ZSCAN5A: variants seen among roughly 807,000 people sequenced by gnomAD.
ZSCAN5A encodes zinc finger and SCAN domain containing 5A.
A neutral mutation model predicts 23.7 loss-of-function variants in ZSCAN5A; 12 were observed. The ratio of observed to expected loss-of-function variants is 0.51; its 90% confidence interval spans 0.32 to 0.82. ZSCAN5A has a LOEUF of 0.82. ZSCAN5A is among the 40% of genes least tolerant of loss of function. The probability of loss-of-function intolerance (pLI) is 0.03; values close to 1 mark genes in which losing one functional copy is unlikely to be tolerated. For missense variants in ZSCAN5A, 597 were observed against 617.9 expected (o/e 0.97, Z 0.36); for synonymous variants, 257 against 239.9 (o/e 1.07, Z -0.66).
intron 2 of ZSCAN5A, among the ~76,000 whole-genome samples, chr19:56,343,797 A>G (rs1015561805): frequency 2.0e-5 from 3 of 152,208 alleles, no homozygotes; most frequent in Non-Finnish European, 4.4e-5. Flanking sequence ...TGTTTTATAT[A>G]AAACCTTTAC....
At chr19:56,344,928 AAAAAAAAG>A (rs2041621447) in intron 2 of ZSCAN5A, among the ~76,000 whole-genome samples, 1 of 148,152 alleles carries the variant, frequency 6.7e-6, no homozygotes, top group African/African-American at 2.5e-5. Context: ...AAAAAAAAAA[AAAAAAAAG>A]AAAAAAAAGA....
At chr19:56,237,936 A>G (rs1175664123) in intron 2 of ZSCAN5A, among the ~76,000 whole-genome samples, 1 of 140,842 alleles carries the variant, frequency 7.1e-6, no homozygotes, top group Admixed American at 7.4e-5. Context: ...AAAAATTTAA[A>G]AAATGATAGA....
At chr19:56,357,012 A>G (rs2147465317) in intron 2 of ZSCAN5A, among the ~76,000 whole-genome samples, 1 of 148,954 alleles carries the variant, frequency 6.7e-6, no homozygotes, top group East Asian at 1.9e-4. Context: ...ATATTTTCAT[A>G]GGATATAGCA....
intron 2 of ZSCAN5A, among the ~76,000 whole-genome samples, chr19:56,264,311 A>G (rs1215833654): frequency 6.6e-6 from 1 of 152,206 alleles, no homozygotes; most frequent in Non-Finnish European, 1.5e-5. Context: ...GACTTTTTGG[A>G]CACTATCTCA....
chr19:56,332,022 A>C (rs2147438009), intron 2 of ZSCAN5A, among the ~76,000 whole-genome samples: 1 of 152,032 alleles, frequency 6.6e-6, no homozygotes, highest in South Asian at 2.1e-4. Flanking sequence ...TTTTTATTGC[A>C]CTGTGGTCCA....
At chr19:56,244,143 G>A in intron 2 of ZSCAN5A, 2 of 1,602,004 alleles carry the variant, frequency 1.2e-6, no homozygotes, top group South Asian at 1.1e-5. Flanking sequence ...ACTCAACTTG[G>A]AAATCATGAC....
At chr19:56,366,707 T>C (rs532087370) in intron 1 of ZSCAN5A, among the ~76,000 whole-genome samples, 2 of 152,336 alleles carry the variant, frequency 1.3e-5, no homozygotes, top group East Asian at 3.9e-4. Flanking sequence ...TCATGCCTCT[T>C]CAGAGAGGCC....
At chr19:56,222,373 A>G in intron 5 of ZSCAN5A, 47 bp from the exon 6 acceptor site, 3 of 1,596,804 alleles carry the variant, frequency 1.9e-6, no homozygotes, top group Non-Finnish European at 2.6e-6. Flanking sequence ...CGCATTTTCA[A>G]TACACCAAAC....
intron 2 of ZSCAN5A, among the ~76,000 whole-genome samples, chr19:56,294,447 CTTGT>C (rs1165738300): frequency 1.3e-5 from 2 of 152,176 alleles, no homozygotes; most frequent in Non-Finnish European, 1.5e-5. Flanking sequence ...ATATTTTTTG[CTTGT>C]TTGAGAATTC....
chr19:56,221,930 G>A lies in ZSCAN5A; in HGVS notation c.1136C>T (p.Thr379Ile). 6.2e-7 allele frequency: 1 copy of A among 1,614,192 alleles called. No homozygotes were observed. The highest frequency in any genetic ancestry group is 8.5e-7 in the Non-Finnish European group (1 of 1,180,032). ...SKLVIHKRSH[T>I]GERLFQCNLC... is the part of the protein sequence containing the mutation. ...ATTACATTGAAAGAGTCTCTCGCCTGTGTGTGATCTCTTGTGGATGACTAG... is the reference window on the plus strand; with the variant it reads ...ATTACATTGAAAGAGTCTCTCGCCTATGTGTGATCTCTTGTGGATGACTAG... The change falls in exon 6 of 6, where the codon ACA becomes ATA. Residue 379 changes from threonine to isoleucine, a missense_variant. By Grantham distance (89) the Thr-to-Ile change is moderately conservative. Coordinates refer to ENST00000683990, the MANE Select transcript of ZSCAN5A (RefSeq NM_001322064.3).
chr19:56,224,042 T>C (rs777599343), intron 3 of ZSCAN5A, among the ~76,000 whole-genome samples: 14 of 151,796 alleles, frequency 9.2e-5, no homozygotes, highest in Non-Finnish European at 2.1e-4. Context: ...TGGAATATTC[T>C]AGTTAAGTAC....
chr19:56,245,497 G>C, intron 2 of ZSCAN5A: 1 of 451,128 alleles, frequency 2.2e-6, no homozygotes, highest in African/African-American at 2.0e-5. Flanking sequence ...TGTGCCTCTG[G>C]ACTGATTGAG....
intron 2 of ZSCAN5A, chr19:56,244,449 G>A (rs766538325): frequency 1.3e-6 from 2 of 1,569,778 alleles, no homozygotes; most frequent in Admixed American, 1.7e-5. Context: ...CTCGTGACTG[G>A]TGCAGGGAAG....
intron 2 of ZSCAN5A, among the ~76,000 whole-genome samples, chr19:56,229,807 C>A (rs1392765469): frequency 3.3e-5 from 5 of 151,878 alleles, no homozygotes; most frequent in African/African-American, 9.7e-5. Flanking sequence ...CTTTCACCTC[C>A]CTGGTTAAAT....
chr19:56,305,645 A>T (rs1396654838), intron 2 of ZSCAN5A, among the ~76,000 whole-genome samples: 1 of 152,222 alleles, frequency 6.6e-6, no homozygotes, highest in African/African-American at 2.4e-5. Flanking sequence ...CCACTGATGC[A>T]TCCTGGATGC....
intron 2 of ZSCAN5A, among the ~76,000 whole-genome samples, chr19:56,294,681 T>G (rs1329636226): frequency 2.6e-5 from 4 of 152,190 alleles, no homozygotes; most frequent in African/African-American, 9.7e-5. Flanking sequence ...CAACACATTG[T>G]GAATGGGCAT....
At chr19:56,225,341 G>A in intron 2 of ZSCAN5A, 168 bp from the exon 3 acceptor site, 1 of 417,652 alleles carries the variant, frequency 2.4e-6, no homozygotes, top group Non-Finnish European at 3.7e-6. Flanking sequence ...AAATCTTAAT[G>A]ACCCCTGGAT....
chr19:56,315,674 C>T (rs2041296536), upstream of ZSCAN5A: 1 of 152,268 alleles, frequency 6.6e-6, no homozygotes, highest in South Asian at 2.1e-4. Context: ...CTCTCTGGGC[C>T]TCAGTTTCCC....
chr19:56,236,438 A>C (rs2034919469), intron 2 of ZSCAN5A, among the ~76,000 whole-genome samples: 1 of 92,410 alleles, frequency 1.1e-5, no homozygotes, highest in Admixed American at 1.1e-4. Context: ...CCGTGGGCCA[A>C]GCCTCCACTC....
Sources: allele counts gnomAD v4.1 joint callset (sites outside exome capture counted in the v4.1 genomes callset), GRCh38; gene constraint gnomAD v4.1.1; transcripts MANE v1.5; gene names NCBI Gene and HGNC (gene_info 2026-07-23, HGNC 2026-07-21).